The following KCNMA1 variants were observed in gnomAD, a reference collection of about 807,000 sequenced individuals.
KCNMA1 encodes the protein Calcium-activated potassium channel subunit alpha-1.
KCNMA1 carries 29 observed loss-of-function variants against 140.0 expected under a neutral mutation model. The observed-to-expected ratio is 0.21, with a 90% CI of 0.15 to 0.28. The LOEUF (loss-of-function observed/expected upper bound fraction) is 0.28. KCNMA1 is among the 10% of genes least tolerant of loss of function. The pLI, the probability that KCNMA1 is intolerant of heterozygous loss-of-function variation, is 1.00. For synonymous variants in KCNMA1, 612 were observed against 611.9 expected (o/e 1.00, Z 0.00); for missense variants, 880 against 1,602.2 (o/e 0.55, Z 7.70).
chr10:77,378,619 T>C (rs2095268302), intron 2 of KCNMA1, among the ~76,000 whole-genome samples: 1 of 152,228 alleles, frequency 6.6e-6, no homozygotes, highest in Admixed American at 6.5e-5. Flanking sequence ...GCAAATGACA[T>C]AAGCTCTCTG....
chr10:77,630,917 G>C (rs2093106778), intron 1 of KCNMA1, among the ~76,000 whole-genome samples: 2 of 151,738 alleles, frequency 1.3e-5, no homozygotes, highest in Admixed American at 1.3e-4. Context: ...ACAAGCCTGG[G>C]CAACATAGGG....
chr10:77,322,452 C>T (rs1450843517), intron 2 of KCNMA1, among the ~76,000 whole-genome samples: 1 of 152,222 alleles, frequency 6.6e-6, no homozygotes, highest in Non-Finnish European at 1.5e-5. Flanking sequence ...GAGCAACTCA[C>T]AAGATGTGTG....
intron 1 of KCNMA1, among the ~76,000 whole-genome samples, chr10:77,505,668 G>T (rs1193465239): frequency 6.6e-6 from 1 of 152,212 alleles, no homozygotes; most frequent in Non-Finnish European, 1.5e-5. Flanking sequence ...GGAGATAGGG[G>T]TGACTAGTTA....
At chr10:77,531,193 T>C (rs1341998500) in intron 1 of KCNMA1, among the ~76,000 whole-genome samples, 1 of 152,202 alleles carries the variant, frequency 6.6e-6, no homozygotes, top group Non-Finnish European at 1.5e-5. Context: ...TTGCCGCTCT[T>C]GTAAGCATCC....
intron 1 of KCNMA1, among the ~76,000 whole-genome samples, chr10:77,589,884 G>A (rs886656010): frequency 6.6e-6 from 1 of 152,234 alleles, no homozygotes; most frequent in Non-Finnish European, 1.5e-5. Flanking sequence ...TGCTGGCTGC[G>A]GCAGCCTGCT....
At chr10:77,033,279 C>T (rs1036736725) in intron 15 of KCNMA1, among the ~76,000 whole-genome samples, 3 of 152,086 alleles carry the variant, frequency 2.0e-5, no homozygotes, top group Non-Finnish European at 4.4e-5. Flanking sequence ...TTGAAACATC[C>T]GGATTTCCAA....
chr10:76,899,610 T>C (rs968656367), intron 25 of KCNMA1, among the ~76,000 whole-genome samples: 4 of 152,146 alleles, frequency 2.6e-5, no homozygotes, highest in African/African-American at 9.7e-5. Context: ...ACAGAGACTA[T>C]GTGGCCCTCA....
chr10:77,069,283 A>G (rs1024935644), intron 14 of KCNMA1, among the ~76,000 whole-genome samples: 1 of 152,304 alleles, frequency 6.6e-6, no homozygotes, highest in African/African-American at 2.4e-5. Flanking sequence ...GATAAGTCAC[A>G]GGCACCAGGA....
chr10:77,325,585 G>A (rs1209922609), intron 2 of KCNMA1, among the ~76,000 whole-genome samples: 1 of 152,200 alleles, frequency 6.6e-6, no homozygotes, highest in Admixed American at 6.5e-5. Context: ...GTTACCAACA[G>A]GCTCCAAATG....
At chr10:77,636,600 T>G in intron 1 of KCNMA1, 1 of 1,536,184 alleles carries the variant, frequency 6.5e-7, no homozygotes, top group Non-Finnish European at 8.7e-7. Flanking sequence ...TTACATCAGA[T>G]ATGCGACCTC....
chr10:77,573,904 C>G (rs2154561540), intron 1 of KCNMA1, among the ~76,000 whole-genome samples: 1 of 150,028 alleles, frequency 6.7e-6, no homozygotes, highest in Middle Eastern at 3.5e-3. Context: ...GTGACACAAT[C>G]TCAGCTCACT....
intron 18 of KCNMA1, among the ~76,000 whole-genome samples, chr10:77,009,867 G>T (rs927719124): frequency 2.0e-5 from 3 of 151,868 alleles, no homozygotes; most frequent in Non-Finnish European, 2.9e-5. Flanking sequence ...CAACCCTCAG[G>T]CAGTCTCTTC....
At chr10:77,426,287 TA>T (rs1232433415) in intron 1 of KCNMA1, among the ~76,000 whole-genome samples, 2 of 152,112 alleles carry the variant, frequency 1.3e-5, no homozygotes, top group African/African-American at 4.8e-5. Flanking sequence ...GGCACTCATA[TA>T]AAGCTTATAT....
At chr10:77,229,090 T>G (rs567857) in intron 3 of KCNMA1, among the ~76,000 whole-genome samples, 121,163 of 152,064 alleles carry the variant, frequency 0.8, 48,584 homozygotes, top group East Asian at 0.98. Context: ...GAATAAGAAG[T>G]CCATGTTCTT....
rs75628904 is a variant in KCNMA1 at position 76,914,853 on chromosome 10, A to G, written c.3016+83T>C. On this transcript the variant is annotated intron_variant, in intron 24 of 27. Transcript: ENST00000286628. ...TAGCAGCTACAAAGTTGAAAGGGCT[A>G]AGAAATAAACCAACCTCCTCATATC... 4.4e-3 allele frequency: 4,571 copies of G among 1,049,678 alleles called. 119 individuals carry two copies. The African/African-American group carries it at 0.059, about 14-fold the overall frequency. 65.0% of individuals were successfully genotyped at this position (1,049,678 alleles called of 1,614,324 possible). A position where few individuals can be genotyped will look rare whatever the true frequency, so the allele number is the denominator to read the frequency against.
At chr10:77,214,758 T>C (rs2047171033) in intron 3 of KCNMA1, among the ~76,000 whole-genome samples, 1 of 152,184 alleles carries the variant, frequency 6.6e-6, no homozygotes, top group Non-Finnish European at 1.5e-5. Flanking sequence ...TCCCTCTGCC[T>C]GAAACCCTCT....
intron 3 of KCNMA1, among the ~76,000 whole-genome samples, chr10:77,203,823 G>C (rs145508543): frequency 6.6e-6 from 1 of 152,154 alleles, no homozygotes; most frequent in South Asian, 2.1e-4. Flanking sequence ...TAGGCTAGGC[G>C]TGATGGCTCA....
intron 18 of KCNMA1, among the ~76,000 whole-genome samples, chr10:77,008,599 G>A (rs117265550): frequency 0.016 from 2,491 of 152,322 alleles, 40 homozygotes; most frequent in Non-Finnish European, 0.026. Flanking sequence ...GACGTGAAAT[G>A]TTGAAGGTTA....
chr10:77,316,854 A>G (rs2081024879), intron 2 of KCNMA1, among the ~76,000 whole-genome samples: 1 of 152,170 alleles, frequency 6.6e-6, no homozygotes, highest in Admixed American at 6.6e-5. Flanking sequence ...TTAACCACAT[A>G]AAGGAAAGTA....
Sources: allele counts gnomAD v4.1 joint callset (sites outside exome capture counted in the v4.1 genomes callset), GRCh38; gene constraint gnomAD v4.1.1; transcripts MANE v1.5; gene names NCBI Gene and HGNC (gene_info 2026-07-23, HGNC 2026-07-21).